ST6GALNAC4: variants seen among roughly 807,000 people sequenced by gnomAD.
ST6GALNAC4 encodes alpha-N-acetyl-neuraminyl-2,3-beta-galactosyl-1,3-N-acetyl-galactosaminide alpha-2,6-sialyltransferase.
A neutral mutation model predicts 30.4 loss-of-function variants in ST6GALNAC4; 24 were observed. The ratio of observed to expected loss-of-function variants is 0.79; its 90% CI spans 0.57 to 1.11. The LOEUF (loss-of-function observed/expected upper bound fraction) is 1.11. Ranked by LOEUF, ST6GALNAC4 falls within the 50% of genes most tolerant of loss-of-function variation. The pLI, the probability that ST6GALNAC4 is intolerant of heterozygous loss-of-function variation, is 0.00. For synonymous variants in ST6GALNAC4, 156 were observed against 179.7 expected (o/e 0.87, Z 1.05); for missense variants, 365 against 430.1 (o/e 0.85, Z 1.34).
In ST6GALNAC4 at chr9:127,908,365, G is replaced by T. The variant is rs1830980300; in HGVS notation, c.*27C>A. 6.6e-7 allele frequency: 1 copy of T among 1,514,292 alleles called. No individual in the cohort carries two copies. Among genetic ancestry groups the T allele is most frequent in the Non-Finnish European group, 8.9e-7 (1 of 1,121,920 alleles). The allele number at this position is 1,514,292 out of a possible 1,614,324, so 93.8% of individuals were successfully genotyped here. On this transcript the variant is annotated 3_prime_UTR_variant, in exon 6 of 6. Coordinates refer to ENST00000335791, the MANE Select transcript of ST6GALNAC4 (RefSeq NM_175039.4). ...GGGACATCCCGGAGGCCTCGCAACGGCATGGCGACTGGCAGGACGACGGAA... is the reference window on the plus strand; with the variant it reads ...GGGACATCCCGGAGGCCTCGCAACGTCATGGCGACTGGCAGGACGACGGAA...
intron 4 of ST6GALNAC4, 158 bp from the exon 5 acceptor site, chr9:127,910,216 A>G: frequency 7.0e-7 from 1 of 1,426,436 alleles, no homozygotes. Context: ...GAGCCAGCCC[A>G]AGGCCAGCAG....
chr9:127,916,721 G>T (rs1831202050), intron 1 of ST6GALNAC4, 105 bp downstream of exon 1: 4 of 534,468 alleles, frequency 7.5e-6, no homozygotes, highest in African/African-American at 5.7e-5. Flanking sequence ...CCAGTGCGCA[G>T]ATGGGGAGGA....
At chr9:127,916,318 G>T in intron 2 of ST6GALNAC4, 90 bp downstream of exon 2, 1 of 1,555,752 alleles carries the variant, frequency 6.4e-7, no homozygotes, top group African/African-American at 1.4e-5. Flanking sequence ...GGTCAGAAGT[G>T]GCAGTGGGTC....
At chr9:127,912,819 C>T in intron 3 of ST6GALNAC4, 139 bp from the exon 4 acceptor site, 1 of 1,069,916 alleles carries the variant, frequency 9.3e-7, no homozygotes, top group Non-Finnish European at 1.3e-6. Flanking sequence ...ATTTTGCAGG[C>T]TGGGCAGCAG....
At chr9:127,916,364 C>T (rs781765888) in intron 2 of ST6GALNAC4, 44 bp downstream of exon 2, 2 of 1,613,794 alleles carry the variant, frequency 1.2e-6, no homozygotes, top group Admixed American at 1.7e-5. Flanking sequence ...CTCCGCCAGT[C>T]GGGGCCTCTG....
chr9:127,910,415 C>T (rs1409879454), intron 4 of ST6GALNAC4: 3 of 1,059,792 alleles, frequency 2.8e-6, no homozygotes, highest in South Asian at 3.0e-5. Flanking sequence ...AGCAGGGCAC[C>T]GTGGTTTGAA....
chr9:127,915,029 C>T (rs1237666276), intron 2 of ST6GALNAC4, among the ~76,000 whole-genome samples, 188 bp from the exon 3 acceptor site: 1 of 152,134 alleles, frequency 6.6e-6, no homozygotes, highest in Non-Finnish European at 1.5e-5. Context: ...GCACATAAGG[C>T]CCCGGAGATA....
rs1405860581 is a variant in ST6GALNAC4 at position 127,910,003 on chromosome 9, C to A, written c.667G>T (p.Glu223Ter). 4 of 1,613,488 alleles carry A rather than the reference C, an allele frequency of 2.5e-6. No individual in the cohort carries two copies. In the East Asian group the frequency reaches 8.9e-5, roughly 36 times the overall value. ...TGWFTMILAL[E>*]LCEEIVVYGM... ...TAGACCACGATCTCCTCACACAGCTCCAGCGCGAGGATCATGGTGAACCAG... is the reference window on the plus strand; with the variant it reads ...TAGACCACGATCTCCTCACACAGCTACAGCGCGAGGATCATGGTGAACCAG... The change falls in exon 5 of 6, where the codon GAG becomes TAG. Residue 223 changes from glutamate (E) to a stop codon, truncating the protein, a stop_gained. Coordinates refer to ENST00000335791, the MANE Select transcript of ST6GALNAC4 (RefSeq NM_175039.4). LOFTEE classifies it high-confidence loss of function.
chr9:127,912,544 T>A lies in ST6GALNAC4; in HGVS notation c.335A>T (p.Glu112Val). The A allele has an allele frequency of 3.1e-6, 5 of 1,613,544 alleles. No individual in the cohort carries two copies. The highest frequency in any genetic ancestry group is 4.2e-6 in the Non-Finnish European group (5 of 1,179,918). The change falls in exon 4 of 6, where the codon GAG becomes GTG. Residue 112 changes from glutamate (E) to valine (V), a missense_variant. Coordinates refer to ENST00000335791, the MANE Select transcript of ST6GALNAC4 (RefSeq NM_175039.4). ...RMNQAPTVGF[E>V]ADVGQRSTLR... The stretch of plus-strand genomic sequence containing the variant: ...GGTGCTGCGCTGGCCCACATCCGCC[T>A]CAAAGCCCACGGTGGGCGCCTGGTT...
Position 127,912,482 on chromosome 9 carries a change from G to A in ST6GALNAC4, c.397C>T (p.Leu133=). 6.2e-7 allele frequency: 1 copy of A among 1,613,906 alleles called. No individual in the cohort carries two copies. The part of the protein sequence containing the change: ...VVSHTSVPLL[L]RNYSHYFQKA... Reference sequence around the variant, plus strand: ...TGGAAGTAGTGTGAATAGTTGCGCAGCAGCAGCGGCACGCTTGTGTGTGAG... The same window carrying A: ...TGGAAGTAGTGTGAATAGTTGCGCAACAGCAGCGGCACGCTTGTGTGTGAG... Residue 133 remains leucine, a synonymous_variant, in exon 4 of 6, where the codon CTG becomes TTG. Coordinates refer to ENST00000335791, the MANE Select transcript of ST6GALNAC4 (RefSeq NM_175039.4).
chr9:127,909,191 C>A (rs1461473519), intron 5 of ST6GALNAC4, among the ~76,000 whole-genome samples: 2 of 152,054 alleles, frequency 1.3e-5, no homozygotes, highest in South Asian at 2.1e-4. Flanking sequence ...AGTTCCAGAC[C>A]AGCCTGGCCA....
At chr9:127,911,764 C>T (rs1275679293) in intron 4 of ST6GALNAC4, among the ~76,000 whole-genome samples, 5 of 152,204 alleles carry the variant, frequency 3.3e-5, no homozygotes, top group African/African-American at 4.8e-5. Flanking sequence ...GGATTACAGG[C>T]GTGAGCCACC....
At chr9:127,912,049 G>A (rs1313223084) in intron 4 of ST6GALNAC4, among the ~76,000 whole-genome samples, 1 of 152,206 alleles carries the variant, frequency 6.6e-6, no homozygotes. Context: ...CAAAAGGCCT[G>A]ACAGCCCTCA....
At position 127,912,407 on chromosome 9, in the gene ST6GALNAC4, C is replaced by T; in HGVS notation, c.472G>A (p.Asp158Asn). ...YMVWGQGRHM[D>N]RVLGGRTYRT... ...TAGGTGCGGCCGCCGAGCACCCGGT[C>T]CATGTGCCTGCCCTGGCCCCACACC... The change falls in exon 4 of 6, where the codon GAC (aspartate) becomes AAC (asparagine). Residue 158 changes from aspartate (D) to asparagine (N), a missense_variant. Coordinates refer to ENST00000335791, the MANE Select transcript of ST6GALNAC4 (RefSeq NM_175039.4). The T allele has an allele frequency of 6.2e-7, 1 of 1,614,138 alleles. No homozygotes were observed. The highest frequency in any genetic ancestry group is 2.2e-5 in the East Asian group (1 of 44,890).
At chr9:127,914,562 A>C (rs1484224278) in intron 3 of ST6GALNAC4, 94 bp downstream of exon 3, 1 of 1,072,072 alleles carries the variant, frequency 9.3e-7, no homozygotes, top group Middle Eastern at 2.3e-4. Context: ...CCAGGATCAC[A>C]TGGCTGGTGA....
At chr9:127,914,187 G>C (rs916649652) in intron 3 of ST6GALNAC4, among the ~76,000 whole-genome samples, 2 of 151,944 alleles carry the variant, frequency 1.3e-5, no homozygotes, top group African/African-American at 4.8e-5. Flanking sequence ...CTGAGGTTGG[G>C]AGTTCGAGAC....
chr9:127,916,788 AGAG>A (rs149075317), intron 1 of ST6GALNAC4, 35 bp downstream of exon 1: 47,156 of 356,134 alleles, frequency 0.13, 4,229 homozygotes, highest in Non-Finnish European at 0.17. Context: ...TGGGGCAGAG[AGAG>A]CCAGAAGCCC....
rs368702017 is a variant in ST6GALNAC4, at chr9:127,912,555, G to A, written c.324C>T (p.Thr108=). 39 of 1,613,144 alleles carry A rather than the reference G, an allele frequency of 2.4e-5. No individual in the cohort carries two copies. The highest frequency in any genetic ancestry group is 1.3e-4 in the East Asian group (6 of 44,898). ...GGCCCACATCCGCCTCAAAGCCCAC[G>A]GTGGGCGCCTGGTTCATGCGGAACA... ...ECVFRMNQAP[T]VGFEADVGQR... The change falls in exon 4 of 6, where the codon ACC becomes ACT. Residue 108 remains threonine (T), a synonymous_variant. Transcript: ENST00000335791.
Position 127,912,504 on chromosome 9 carries a change from TGA to T in ST6GALNAC4, c.373_374del (p.Ser125ThrfsTer101). On this transcript the variant is annotated frameshift_variant, in exon 4 of 6. Coordinates refer to ENST00000335791, the MANE Select transcript of ST6GALNAC4 (RefSeq NM_175039.4). LOFTEE classifies it high-confidence loss of function. ...GCAGCAGCAGCGGCACGCTTGTGTG[TGA>T]GACGACACGCAGGGTGCTGCGCTGG... is the stretch of plus-strand genomic sequence containing the variant. ...VGQRSTLRVVSHTSVPLLLRN... is the reference protein window; with the variant it reads ...VGQRSTLRVVXHTSVPLLLRN... 6.2e-7 allele frequency: 1 copy of T among 1,613,882 alleles called. No individual in the cohort carries two copies. Among genetic ancestry groups the T allele is most frequent in the Non-Finnish European group, 8.5e-7 (1 of 1,179,894 alleles).
Sources: gnomAD v4.1 joint callset for allele counts (sites outside exome capture counted in the v4.1 genomes callset) on GRCh38, gnomAD v4.1.1 for gene constraint, MANE v1.5 for transcripts, NCBI Gene and HGNC (gene_info 2026-07-23, HGNC 2026-07-21) for gene names.